The following ASAP2 variants were observed in gnomAD, a reference collection of about 807,000 sequenced individuals.
ASAP2 encodes arf-GAP with SH3 domain, ANK repeat and PH domain-containing protein 2.
ASAP2 carries 45 observed loss-of-function variants against 131.4 expected under a neutral mutation model. The observed-to-expected ratio is 0.34, with a 90% CI of 0.27 to 0.44. The LOEUF (loss-of-function observed/expected upper bound fraction) is 0.44. Among genes scored for constraint, ASAP2 ranks in the 20% least tolerant of loss-of-function variants. ASAP2 has a pLI of 1.00. For synonymous variants in ASAP2, 510 were observed against 503.0 expected, an observed-to-expected ratio of 1.01 and a Z score of -0.19; for missense variants, 1,011 against 1,297.0, an observed-to-expected ratio of 0.78 and a Z score of 3.39.
chr2:9,260,892 C>G (rs569532358), intron 1 of ASAP2, among the ~76,000 whole-genome samples: 7 of 152,340 alleles, frequency 4.6e-5, no homozygotes, highest in African/African-American at 1.7e-4. Context: ...TGCTTCTCCG[C>G]CACCCTGGCC....
At chr2:9,277,305 G>A (rs1012431432) in intron 1 of ASAP2, among the ~76,000 whole-genome samples, 4 of 152,342 alleles carry the variant, frequency 2.6e-5, no homozygotes, top group South Asian at 4.1e-4. Flanking sequence ...CCTAGGTCCC[G>A]CGAGTCTGCG....
At chr2:9,297,256 G>A (rs1668205962) in intron 2 of ASAP2, 44 bp from the exon 3 acceptor site, 1 of 1,602,360 alleles carries the variant, frequency 6.2e-7, no homozygotes, top group Admixed American at 1.7e-5. Flanking sequence ...GGGAGTGAGG[G>A]TGGCATGCCT....
At chr2:9,385,136 G>A (rs926526911) in intron 20 of ASAP2, 109 bp from the exon 21 acceptor site, 2 of 735,248 alleles carry the variant, frequency 2.7e-6, no homozygotes, top group South Asian at 3.7e-5. Context: ...AGATTTCCAT[G>A]CATTTGCCTT....
intron 1 of ASAP2, among the ~76,000 whole-genome samples, chr2:9,221,378 A>G (rs1007849379): frequency 1.4e-5 from 2 of 146,570 alleles, no homozygotes; most frequent in East Asian, 2.0e-4. Context: ...CTGGAGTGCA[A>G]TGGTGCAATC....
intron 2 of ASAP2, among the ~76,000 whole-genome samples, chr2:9,285,896 A>G (rs56138030): frequency 6.6e-6 from 1 of 152,298 alleles, no homozygotes; most frequent in Non-Finnish European, 1.5e-5. Context: ...AATCCTTACC[A>G]TCTCCCACAT....
At chr2:9,216,215 A>G (rs1662014513) in intron 1 of ASAP2, among the ~76,000 whole-genome samples, 1 of 151,908 alleles carries the variant, frequency 6.6e-6, no homozygotes, top group Non-Finnish European at 1.5e-5. Flanking sequence ...TGGATTTGAA[A>G]TGCTGCTGCT....
intron 2 of ASAP2, among the ~76,000 whole-genome samples, chr2:9,279,624 G>C (rs990010971): frequency 3.9e-5 from 6 of 152,184 alleles, no homozygotes; most frequent in African/African-American, 9.7e-5. Context: ...CCTCCGTGCT[G>C]TCTGTCCCAC....
At chr2:9,313,584 C>G (rs1036858808) in intron 3 of ASAP2, among the ~76,000 whole-genome samples, 1 of 152,234 alleles carries the variant, frequency 6.6e-6, no homozygotes, top group Non-Finnish European at 1.5e-5. Flanking sequence ...GACAGCGACT[C>G]TAATCCTCCC....
intron 1 of ASAP2, chr2:9,271,264 A>C: frequency 1.4e-6 from 1 of 738,248 alleles, no homozygotes; most frequent in South Asian, 1.5e-5. Context: ...CCTCACTTAA[A>C]CTACAGTGAG....
intron 1 of ASAP2, among the ~76,000 whole-genome samples, chr2:9,221,259 TAAC>T (rs1296960695): frequency 6.6e-6 from 1 of 152,066 alleles, no homozygotes; most frequent in East Asian, 1.9e-4. Flanking sequence ...ATAGACATCT[TAAC>T]AATCTATCAT....
intron 1 of ASAP2, among the ~76,000 whole-genome samples, chr2:9,218,556 C>T (rs930470059): frequency 5.3e-5 from 8 of 152,200 alleles, no homozygotes; most frequent in Non-Finnish European, 1.2e-4. Context: ...TAACAGAGGA[C>T]TTTGGAGAGG....
rs200872410 is a variant in ASAP2, at chr2:9,393,612, G to A, written c.2649G>A (p.Pro883=). ...GGCCCCCACCTCTGCCCCCACAGCCGCCCAGCCGCCTCCCGCAGAAGAAGC... is the reference window on the plus strand; with the variant it reads ...GGCCCCCACCTCTGCCCCCACAGCCACCCAGCCGCCTCCCGCAGAAGAAGC... ...QIRPPPLPPQ[P]PSRLPQKKPA... is the part of the protein sequence containing the mutation. The change falls in exon 24 of 28, where the codon CCG becomes CCA. Residue 883 remains proline, a synonymous_variant. Transcript: ENST00000281419. 5.0e-4 allele frequency: 797 copies of A among 1,587,306 alleles called. 4 individuals are homozygous for A. In the African/African-American group the frequency reaches 9.6e-3, roughly 19 times the overall value.
intron 12 of ASAP2, among the ~76,000 whole-genome samples, chr2:9,353,688 T>G (rs1045979742): frequency 1.3e-5 from 2 of 152,244 alleles, no homozygotes; most frequent in African/African-American, 4.8e-5. Context: ...CCTCATCTGG[T>G]CAGTTCATCT....
intron 2 of ASAP2, 117 bp downstream of exon 2, chr2:9,279,506 A>T: frequency 4.3e-6 from 4 of 920,628 alleles, no homozygotes; most frequent in Non-Finnish European, 6.9e-6. Context: ...TTATCGGGGC[A>T]TGCAGATCAC....
At chr2:9,356,833 G>A (rs1166952147) in intron 14 of ASAP2, among the ~76,000 whole-genome samples, 1 of 152,128 alleles carries the variant, frequency 6.6e-6, no homozygotes, top group African/African-American at 2.4e-5. Flanking sequence ...TGAAGGGACA[G>A]GACCCTTTCA....
chr2:9,397,744 ATATATATTTTTT>A (rs1402788513), intron 24 of ASAP2, among the ~76,000 whole-genome samples: 3 of 87,190 alleles, frequency 3.4e-5, no homozygotes, highest in African/African-American at 1.8e-4. Flanking sequence ...ATATATATAT[ATATATATTTTTT>A]TTTTTTTTTT....
chr2:9,374,330 A>G (rs1473150016), intron 16 of ASAP2, among the ~76,000 whole-genome samples: 1 of 152,226 alleles, frequency 6.6e-6, no homozygotes, highest in Non-Finnish European at 1.5e-5. Flanking sequence ...GCAGGCCTTC[A>G]TGTAGAGAAT....
At chr2:9,246,977 G>A (rs990577572) in intron 1 of ASAP2, among the ~76,000 whole-genome samples, 4 of 152,036 alleles carry the variant, frequency 2.6e-5, no homozygotes, top group African/African-American at 9.7e-5. Flanking sequence ...TGTAGCTGGG[G>A]CCACGGTATA....
chr2:9,388,906 C>G (rs1159029289), intron 22 of ASAP2, among the ~76,000 whole-genome samples: 1 of 152,194 alleles, frequency 6.6e-6, no homozygotes, highest in South Asian at 2.1e-4. Flanking sequence ...CTTCCCAGGC[C>G]TTCATTCTTC....
Sources: gnomAD v4.1 joint callset for allele counts (sites outside exome capture counted in the v4.1 genomes callset) on GRCh38, gnomAD v4.1.1 for gene constraint, MANE v1.5 for transcripts, NCBI Gene and HGNC (gene_info 2026-07-23, HGNC 2026-07-21) for gene names.